Variants in MBP observed in about 807,000 individuals in gnomAD.
The protein encoded by MBP is Golli-MBP.
In MBP, 16 loss-of-function variants were observed where a neutral mutation model predicts 35.8. The observed-to-expected ratio is 0.45, with a 90% CI of 0.30 to 0.68. The LOEUF (loss-of-function observed/expected upper bound fraction) is 0.68. Ranked by LOEUF, MBP falls within the 30% of genes least tolerant of loss-of-function variation. MBP has a pLI of 0.08. For synonymous variants in MBP, 143 were observed against 159.6 expected (o/e 0.90, Z 0.78); for missense variants, 380 against 404.7 (o/e 0.94, Z 0.52).
chr18:77,026,176 G>T (rs953973448), intron 3 of MBP, among the ~76,000 whole-genome samples: 1 of 152,256 alleles, frequency 6.6e-6, no homozygotes, highest in African/African-American at 2.4e-5. Flanking sequence ...CCTGCAGGCC[G>T]CTGTCTGTGC....
chr18:77,066,139 G>A, intron 3 of MBP, 159 bp downstream of exon 3: 1 of 630,866 alleles, frequency 1.6e-6, no homozygotes. Context: ...TGCGATTACA[G>A]ACATGAAGCA....
At chr18:77,099,928 T>C (rs1667917) in intron 2 of MBP, among the ~76,000 whole-genome samples, 151,608 of 152,364 alleles carry the variant, frequency 1, 75,436 homozygotes, top group Middle Eastern at 1. Context: ...TGGCTGCTGG[T>C]GTGGAGTCCG....
intron 7 of MBP, chr18:76,987,141 C>T (rs1469160368): frequency 1.0e-6 from 1 of 985,466 alleles, no homozygotes; most frequent in Non-Finnish European, 1.2e-6. Context: ...TGTGTGCAAC[C>T]CCCCATCGCT....
chr18:77,082,009 G>A (rs900390537), intron 2 of MBP, among the ~76,000 whole-genome samples: 2 of 149,200 alleles, frequency 1.3e-5, no homozygotes, highest in South Asian at 2.2e-4. Flanking sequence ...CCGCCACAAC[G>A]CCTGGCTAAT....
intron 2 of MBP, among the ~76,000 whole-genome samples, chr18:77,078,301 C>T (rs1439102689): frequency 1.3e-5 from 2 of 152,206 alleles, no homozygotes; most frequent in African/African-American, 2.4e-5. Flanking sequence ...TTCCTACCTC[C>T]ACTTTCAACC....
At chr18:77,062,618 G>T (rs1169688800) in intron 3 of MBP, among the ~76,000 whole-genome samples, 2 of 152,150 alleles carry the variant, frequency 1.3e-5, no homozygotes, top group African/African-American at 4.8e-5. Context: ...AACATGAAGG[G>T]CAAATAAAAC....
At chr18:76,987,996 T>G in intron 7 of MBP, 1 of 1,282,046 alleles carries the variant, frequency 7.8e-7, no homozygotes, top group African/African-American at 1.5e-5. Context: ...ACAAAAATCT[T>G]TGGATTAATG....
At position 77,040,679 on chromosome 18, in the gene MBP, G is replaced by A. The variant is rs539771281; in HGVS notation, c.140-23411C>T. ...AAACCTGACAAAAACAAGAAATGGG[G>A]AAAGGATTCCCTATTTAATAAATGG... On this transcript the variant is annotated intron_variant, in intron 3 of 8. Transcript: ENST00000355994. Among the ~76,000 whole-genome samples the A allele has an allele frequency of 2.8e-3, 425 of 152,318 alleles. 3 individuals carry two copies. The East Asian group carries it at 0.034, about 12-fold the overall frequency.
intron 7 of MBP, chr18:76,987,180 G>A (rs1969607493): frequency 1.0e-6 from 1 of 985,414 alleles, no homozygotes; most frequent in East Asian, 1.1e-4. Context: ...CGGCACGACG[G>A]CCCCAAAGTC....
chr18:77,032,190 C>T (rs931658818), intron 3 of MBP, among the ~76,000 whole-genome samples: 6 of 152,296 alleles, frequency 3.9e-5, no homozygotes, highest in Admixed American at 1.3e-4. Context: ...CCAAAGAGGA[C>T]GCTCCTTGTT....
rs11422817 is a variant in MBP, at chr18:77,060,468, T to TTTTTTTTTTTA, written c.139+5829_139+5830insTAAAAAAAAAA. Among the ~76,000 whole-genome samples the TTTTTTTTTTTA allele has an allele frequency of 3.0e-4, 40 of 133,022 alleles. 2 individuals carry two copies. The highest frequency in any genetic ancestry group is 1.3e-3 in the African/African-American group (39 of 29,080). 87.3% of individuals were successfully genotyped at this position (133,022 alleles called of 152,430 possible). ...CTCTCCTTTTTTTTTTTTTTTTTTT[T>TTTTTTTTTTTA]ATGAGGCGGAGTTTTGCTCTTGTTG... On this transcript the variant is annotated intron_variant, in intron 3 of 8. Transcript: ENST00000355994.
intron 1 of MBP, among the ~76,000 whole-genome samples, chr18:77,123,801 A>G (rs970695001): frequency 6.6e-6 from 1 of 152,054 alleles, no homozygotes; most frequent in Non-Finnish European, 1.5e-5. Flanking sequence ...CCCTGCTAGG[A>G]CTCTAAACTG....
chr18:77,078,986 G>A (rs916103287), intron 2 of MBP, among the ~76,000 whole-genome samples: 7 of 152,198 alleles, frequency 4.6e-5, no homozygotes, highest in African/African-American at 1.2e-4. Context: ...TGAGTCAGGC[G>A]CTCAGCCATC....
At chr18:77,018,480 CAT>C (rs891926505) in intron 3 of MBP, among the ~76,000 whole-genome samples, 4 of 144,704 alleles carry the variant, frequency 2.8e-5, no homozygotes, top group African/African-American at 8.4e-5. Context: ...CATCCATCCA[CAT>C]ATCAGTCCAT....
intron 3 of MBP, among the ~76,000 whole-genome samples, chr18:77,041,202 G>T (rs1221853826): frequency 6.6e-6 from 1 of 152,230 alleles, no homozygotes; most frequent in Non-Finnish European, 1.5e-5. Context: ...GGTCATCAGA[G>T]AAATGCAAAT....
At chr18:77,082,952 T>A (rs987894176) in intron 2 of MBP, among the ~76,000 whole-genome samples, 6 of 140,488 alleles carry the variant, frequency 4.3e-5, no homozygotes, top group African/African-American at 1.6e-4. Flanking sequence ...ATTGCTAGTC[T>A]GGCTATTCTG....
intron 3 of MBP, among the ~76,000 whole-genome samples, chr18:77,049,336 A>G (rs1437246856): frequency 1.3e-5 from 2 of 152,238 alleles, no homozygotes; most frequent in African/African-American, 4.8e-5. Flanking sequence ...AAAATAATAA[A>G]AAGCCTTGAT....
At chr18:77,021,566 C>T (rs1360338812) in intron 3 of MBP, among the ~76,000 whole-genome samples, 2 of 151,268 alleles carry the variant, frequency 1.3e-5, no homozygotes, top group African/African-American at 2.4e-5. Flanking sequence ...TCACCGCAAC[C>T]TCCGCCTCCC....
At position 76,989,170 on chromosome 18, in the gene MBP, TG is replaced by T; in HGVS notation, c.682-259del. On this transcript the variant is annotated intron_variant, in intron 5 of 8. Coordinates refer to ENST00000355994, the MANE Select transcript of MBP (RefSeq NM_001025101.2). This position sits in a 1 kb window ranked among gnomAD's most constrained non-coding sequence, Gnocchi z 4.0. ...AAACACCTCCCAGAGGCTCCGTAGC[TG>T]GGGAATGGGCCCATCTTGGGACACT... is the stretch of plus-strand genomic sequence containing the variant. 1 of 657,760 alleles carries T rather than the reference TG, an allele frequency of 1.5e-6. No homozygotes were observed. The highest frequency in any genetic ancestry group is 2.8e-6 in the Non-Finnish European group (1 of 357,034). The allele number at this position is 657,760 out of a possible 1,614,324, so 40.7% of individuals were successfully genotyped here. A position where few individuals can be genotyped will look rare whatever the true frequency, so the allele number is the denominator to read the frequency against.
Sources: allele counts gnomAD v4.1 joint callset (sites outside exome capture counted in the v4.1 genomes callset), GRCh38; gene constraint gnomAD v4.1.1; non-coding constraint Gnocchi (gnomAD v3.1); transcripts MANE v1.5; gene names NCBI Gene and HGNC (gene_info 2026-07-23, HGNC 2026-07-21).